The following NELL2 variants were observed in gnomAD, a reference collection of about 807,000 sequenced individuals.
NELL2 encodes protein kinase C-binding protein NELL2.
Under a neutral mutation model 109.6 loss-of-function variants are expected in NELL2, and 41 were observed. That is an observed-to-expected ratio of 0.37 (90% CI 0.29 to 0.49). NELL2 has a LOEUF of 0.49. Among genes scored for constraint, NELL2 ranks in the 20% least tolerant of loss-of-function variants. The probability of loss-of-function intolerance (pLI) is 0.98; values close to 1 mark genes in which losing one functional copy is unlikely to be tolerated. For missense variants in NELL2, 900 were observed against 1,008.3 expected (o/e 0.89, Z 1.45); for synonymous variants, 355 against 344.7 (o/e 1.03, Z -0.33).
At chr12:44,827,411 G>GA (rs1555223818) in intron 2 of NELL2, among the ~76,000 whole-genome samples, 1 of 126,646 alleles carries the variant, frequency 7.9e-6, no homozygotes, top group East Asian at 2.3e-4. Context: ...TCTTCTAACT[G>GA]TTTTTTTTTT....
chr12:44,858,711 G>A lies in NELL2; in HGVS notation c.184+16514C>T, dbSNP rs145951321. On this transcript the variant is annotated intron_variant, in intron 2 of 19. Transcript: ENST00000429094. ...TCCATCTAAGACTAATGTCTATCCCGGCAATGTCAATTAGAAACTGAAATC... is the reference window on the plus strand; with the variant it reads ...TCCATCTAAGACTAATGTCTATCCCAGCAATGTCAATTAGAAACTGAAATC... Among the ~76,000 whole-genome samples the A allele has an allele frequency of 5.9e-5, 9 of 152,114 alleles. No homozygotes were observed. The South Asian group carries it at 8.3e-4, about 14-fold the overall frequency.
At chr12:44,513,324 A>G (rs1941085194) in intron 19 of NELL2, among the ~76,000 whole-genome samples, 1 of 152,000 alleles carries the variant, frequency 6.6e-6, no homozygotes, top group Admixed American at 6.6e-5. Flanking sequence ...ACAAGAAGCC[A>G]ATGGAACCTA....
In NELL2 at chr12:44,717,131, A is replaced by T. The variant is rs533808180; in HGVS notation, c.995-2390T>A. The stretch of plus-strand genomic sequence containing the variant: ...TTTTGATCAGTTGCTGTAATTCTCC[A>T]TAAGTCTAATGTTGACATGGAATAT... On this transcript the variant is annotated intron_variant, in intron 9 of 19. Transcript: ENST00000429094. Among the ~76,000 whole-genome samples the T allele has an allele frequency of 3.9e-5, 6 of 152,282 alleles. 1 individual carries two copies. The highest frequency in any genetic ancestry group is 1.4e-4 in the African/African-American group (6 of 41,564).
intron 13 of NELL2, among the ~76,000 whole-genome samples, chr12:44,630,450 T>G (rs984269597): frequency 6.6e-6 from 1 of 152,196 alleles, no homozygotes; most frequent in Admixed American, 6.5e-5. Context: ...TGAATTGAAC[T>G]AATCGATCTT....
chr12:44,581,842 A>G (rs991883237), intron 15 of NELL2, among the ~76,000 whole-genome samples: 1 of 152,224 alleles, frequency 6.6e-6, no homozygotes, highest in Admixed American at 6.5e-5. Context: ...AGGAAAAAGA[A>G]AGATGAAATT....
chr12:44,587,307 A>ATATATATATATATT (rs1302978950), intron 15 of NELL2, among the ~76,000 whole-genome samples: 1 of 96,642 alleles, frequency 1.0e-5, no homozygotes, highest in African/African-American at 4.2e-5. Flanking sequence ...ATATATATAT[A>ATATATATATATATT]TTTTTTTTTA....
intron 9 of NELL2, among the ~76,000 whole-genome samples, chr12:44,726,280 G>A (rs1182322342): frequency 6.6e-6 from 1 of 152,148 alleles, no homozygotes; most frequent in Non-Finnish European, 1.5e-5. Context: ...TCCGCTAGAT[G>A]TATTTCTTTA....
chr12:44,723,188 C>G (rs982070032), intron 9 of NELL2, among the ~76,000 whole-genome samples: 3 of 145,354 alleles, frequency 2.1e-5, no homozygotes, highest in African/African-American at 8.2e-5. Context: ...AAGACTCCGT[C>G]TCAAAAAAAA....
intron 1 of NELL2, 142 bp from the exon 2 acceptor site, chr12:44,875,495 C>A: frequency 1.2e-6 from 2 of 1,613,970 alleles, no homozygotes; most frequent in Non-Finnish European, 1.7e-6. Context: ...CCTCCTCCGC[C>A]GAGAGCCTTA....
intron 15 of NELL2, among the ~76,000 whole-genome samples, chr12:44,598,374 GA>G (rs1387454693): frequency 6.6e-6 from 1 of 151,932 alleles, no homozygotes. Flanking sequence ...TTTAGGAACG[GA>G]AAAAAACAGC....
chr12:44,673,122 G>T (rs1288311515), intron 12 of NELL2, among the ~76,000 whole-genome samples: 1 of 152,038 alleles, frequency 6.6e-6, no homozygotes, highest in Non-Finnish European at 1.5e-5. Flanking sequence ...TCTAATTGCC[G>T]CTTGCCTTTT....
At chr12:44,819,079 G>T (rs897537622) in intron 2 of NELL2, among the ~76,000 whole-genome samples, 2 of 152,132 alleles carry the variant, frequency 1.3e-5, no homozygotes, top group African/African-American at 4.8e-5. Flanking sequence ...GTTTTCAGAT[G>T]AAATGACAAG....
At chr12:44,849,080 T>C (rs537466021) in intron 2 of NELL2, among the ~76,000 whole-genome samples, 18 of 152,284 alleles carry the variant, frequency 1.2e-4, no homozygotes, top group East Asian at 3.9e-4. Flanking sequence ...AATTTACACA[T>C]TGGGAAACAG....
At chr12:44,840,754 T>G (rs566899235) in intron 2 of NELL2, among the ~76,000 whole-genome samples, 3 of 152,204 alleles carry the variant, frequency 2.0e-5, no homozygotes, top group African/African-American at 7.2e-5. Flanking sequence ...TGGCTATATA[T>G]CTATAGCTTA....
At chr12:44,533,055 GT>G (rs1380272831) in intron 15 of NELL2, among the ~76,000 whole-genome samples, 1 of 152,174 alleles carries the variant, frequency 6.6e-6, no homozygotes, top group Non-Finnish European at 1.5e-5. Context: ...GGCCCTTCAA[GT>G]TAGGTATGGC....
chr12:44,826,643 T>C (rs1460699049), intron 2 of NELL2, among the ~76,000 whole-genome samples: 3 of 152,216 alleles, frequency 2.0e-5, no homozygotes, highest in African/African-American at 7.2e-5. Context: ...AAATTGCTGA[T>C]GAGAAAAATG....
chr12:44,575,344 A>AC (rs1174846316), intron 15 of NELL2, among the ~76,000 whole-genome samples: 2 of 152,266 alleles, frequency 1.3e-5, no homozygotes, highest in Non-Finnish European at 2.9e-5. Flanking sequence ...TTTTTCAATC[A>AC]GGTATGTGCA....
At chr12:44,603,553 C>T (rs1321943251) in intron 15 of NELL2, among the ~76,000 whole-genome samples, 2 of 152,048 alleles carry the variant, frequency 1.3e-5, no homozygotes, top group Admixed American at 6.6e-5. Context: ...TATTGAATTA[C>T]CCAAGAAATA....
chr12:44,644,600 A>ACG (rs1947000178), intron 13 of NELL2, among the ~76,000 whole-genome samples: 1 of 91,506 alleles, frequency 1.1e-5, no homozygotes, highest in Non-Finnish European at 2.1e-5. Flanking sequence ...ATATATATAT[A>ACG]TATGTATGTA....
Sources: allele counts gnomAD v4.1 joint callset (sites outside exome capture counted in the v4.1 genomes callset), GRCh38; gene constraint gnomAD v4.1.1; transcripts MANE v1.5; gene names NCBI Gene and HGNC (gene_info 2026-07-23, HGNC 2026-07-21).